Variants in JADE1 observed in about 807,000 individuals in gnomAD.
The protein encoded by JADE1 is jade family PHD finger 1, also known as protein Jade-1.
A neutral mutation model predicts 81.8 loss-of-function variants in JADE1; 14 were observed. That is an observed-to-expected ratio of 0.17 (90% CI 0.11 to 0.27). The LOEUF is 0.27. Among genes scored for constraint, JADE1 ranks in the 10% least tolerant of loss-of-function variants. JADE1 has a pLI of 1.00. For missense variants in JADE1, 690 were observed against 1,047.9 expected (o/e 0.66, Z 4.71); for synonymous variants, 353 against 391.9 (o/e 0.90, Z 1.17).
intron 7 of JADE1, among the ~76,000 whole-genome samples, chr4:128,856,157 T>A (rs1304582909): frequency 1.3e-5 from 2 of 152,212 alleles, no homozygotes; most frequent in East Asian, 1.9e-4. Flanking sequence ...CAGAAGGTCC[T>A]GGCTTTTAAC....
At chr4:128,854,457 A>G (rs9307610) in intron 6 of JADE1, among the ~76,000 whole-genome samples, 2,424 of 152,224 alleles carry the variant, frequency 0.016, 77 homozygotes, top group African/African-American at 0.056. Context: ...TGAAACCTTT[A>G]TAGTGTCACT....
intron 1 of JADE1, among the ~76,000 whole-genome samples, chr4:128,812,228 G>A (rs1417990145): frequency 2.0e-5 from 3 of 152,086 alleles, no homozygotes; most frequent in Non-Finnish European, 4.4e-5. Flanking sequence ...TCACTGCACC[G>A]GGGCTAATTC....
rs143240743 is a variant in JADE1, at chr4:128,863,705, A to G, written c.1503+1480A>G. The G allele has an allele frequency of 3.3e-4, 321 of 985,428 alleles. 2 individuals are homozygous for G. In the East Asian group the frequency reaches 0.013, roughly 39 times the overall value. The allele number at this position is 985,428 out of a possible 1,614,324, so 61.0% of individuals were successfully genotyped here. On this transcript the variant is annotated intron_variant, in intron 9 of 10. Transcript: ENST00000226319. ...GTGTAAAGAAGACTTTGCCTCTCACAACTACATGTATGTGTGGCATTTTTG... is the reference window on the plus strand; with the variant it reads ...GTGTAAAGAAGACTTTGCCTCTCACGACTACATGTATGTGTGGCATTTTTG...
At chr4:128,815,953 T>A (rs1223155358) in intron 1 of JADE1, among the ~76,000 whole-genome samples, 1 of 152,160 alleles carries the variant, frequency 6.6e-6, no homozygotes, top group East Asian at 1.9e-4. Flanking sequence ...TACGTCACGT[T>A]TAAACTTATT....
Position 128,843,047 on chromosome 4 carries a change from T to C in JADE1, c.138+9T>C, listed in dbSNP as rs768704582. 2.5e-6 allele frequency: 4 copies of C among 1,610,394 alleles called. No individual in the cohort carries two copies. The highest frequency in any genetic ancestry group is 2.2e-5 in the South Asian group (2 of 90,982). On this transcript the variant is annotated intron_variant, in intron 3 of 10. Transcript: ENST00000226319. The stretch of plus-strand genomic sequence containing the variant: ...ATCGAAAGCCTTCAGAGGTACTTCT[T>C]GAATGCTTGCCTGACCGTGCATGAA...
chr4:128,835,417 C>A (rs917770669), intron 2 of JADE1, among the ~76,000 whole-genome samples: 4 of 152,184 alleles, frequency 2.6e-5, no homozygotes, highest in African/African-American at 9.7e-5. Flanking sequence ...TTTCCATCCC[C>A]TCTGAAGGCA....
chr4:128,862,606 A>G, intron 9 of JADE1: 3 of 1,033,588 alleles, frequency 2.9e-6, no homozygotes, highest in Non-Finnish European at 3.5e-6. Context: ...GATTTAGAAA[A>G]CCAGAACGGA....
intron 7 of JADE1, 96 bp from the exon 8 acceptor site, chr4:128,857,242 G>T: frequency 1.1e-6 from 1 of 930,812 alleles, no homozygotes; most frequent in South Asian, 1.4e-5. Context: ...TCTGGTAGGA[G>T]AGATGTAGGA....
chr4:128,819,415 C>G (rs567363794), intron 1 of JADE1, among the ~76,000 whole-genome samples: 2 of 152,260 alleles, frequency 1.3e-5, no homozygotes, highest in South Asian at 4.1e-4. Context: ...TCCTAGATCC[C>G]TTTTGAGGAT....
intron 1 of JADE1, among the ~76,000 whole-genome samples, chr4:128,820,765 C>T (rs1288301763): frequency 7.3e-5 from 11 of 151,648 alleles, no homozygotes; most frequent in Non-Finnish European, 1.0e-4. Flanking sequence ...TTCTGACAAC[C>T]GGGTATAATC....
chr4:128,841,755 G>C (rs1729455034), intron 2 of JADE1, among the ~76,000 whole-genome samples: 1 of 152,148 alleles, frequency 6.6e-6, no homozygotes, highest in South Asian at 2.1e-4. Flanking sequence ...GAGCACCCCC[G>C]GGGAGAATAT....
chr4:128,844,440 G>A (rs1024888481), intron 3 of JADE1, among the ~76,000 whole-genome samples: 13 of 152,182 alleles, frequency 8.5e-5, no homozygotes, highest in African/African-American at 3.1e-4. Context: ...CCATTTGAGG[G>A]CCTTTGTTTC....
chr4:128,837,046 A>C (rs987239063), intron 2 of JADE1, among the ~76,000 whole-genome samples: 1 of 152,188 alleles, frequency 6.6e-6, no homozygotes, highest in Non-Finnish European at 1.5e-5. Flanking sequence ...AGATTTTCCT[A>C]AAGTTATAGA....
Position 128,846,549 on chromosome 4 carries a change from G to A in JADE1, c.296+17G>A, listed in dbSNP as rs200104707. On this transcript the variant is annotated intron_variant, in intron 4 of 10. Transcript: ENST00000226319. This position sits in a 1 kb window ranked among gnomAD's most constrained non-coding sequence, Gnocchi z 4.0. ...TGTGGCCAGGTAGAGATGCCCTGAGGACAGAAGCCTCTCCACCCACCCTTG... is the reference window on the plus strand; with the variant it reads ...TGTGGCCAGGTAGAGATGCCCTGAGAACAGAAGCCTCTCCACCCACCCTTG... 181 of 1,613,362 alleles carry A rather than the reference G, an allele frequency of 1.1e-4. No homozygotes were observed. The East Asian group carries it at 4.0e-3, about 35-fold the overall frequency.
In JADE1 at chr4:128,855,626, A is replaced by G. The variant is rs373190905; in HGVS notation, c.697-4A>G. 7 of 1,605,266 alleles carry G rather than the reference A, an allele frequency of 4.4e-6. No individual in the cohort carries two copies. The East Asian group carries it at 1.3e-4, about 31-fold the overall frequency. On this transcript the variant is annotated splice_region_variant and splice_polypyrimidine_tract_variant and intron_variant, in intron 6 of 10. Coordinates refer to ENST00000226319, the MANE Select transcript of JADE1 (RefSeq NM_199320.4). ...TTCCTCTGGGATGTGCCGTGGCATC[A>G]CAGGCCTGTTATGGAATCCTCAAGG...
At chr4:128,864,597 C>T (rs1731645689) in intron 9 of JADE1, 2 of 985,230 alleles carry the variant, frequency 2.0e-6, no homozygotes, top group African/African-American at 1.7e-5. Flanking sequence ...TGTATCAGGG[C>T]AGGGGTGACA....
At chr4:128,859,579 G>T (rs1051166163) in intron 8 of JADE1, among the ~76,000 whole-genome samples, 3 of 152,122 alleles carry the variant, frequency 2.0e-5, no homozygotes, top group Non-Finnish European at 2.9e-5. Flanking sequence ...ATGCGTGTAT[G>T]TGTGAGTGTG....
chr4:128,810,498 G>C (rs1726251020), intron 1 of JADE1: 1 of 141,348 alleles, frequency 7.1e-6, no homozygotes, highest in African/African-American at 2.6e-5. Context: ...GCATTAGGCT[G>C]CATGAAAGTG....
At chr4:128,835,487 A>G (rs1728907263) in intron 2 of JADE1, among the ~76,000 whole-genome samples, 1 of 152,126 alleles carries the variant, frequency 6.6e-6, no homozygotes, top group Admixed American at 6.5e-5. Context: ...CCTTTTGTAT[A>G]TAACTGGGTG....
Sources: allele counts gnomAD v4.1 joint callset (sites outside exome capture counted in the v4.1 genomes callset), GRCh38; gene constraint gnomAD v4.1.1; non-coding constraint Gnocchi (gnomAD v3.1); transcripts MANE v1.5; gene names NCBI Gene and HGNC (gene_info 2026-07-23, HGNC 2026-07-21).